Variants in TMEM200A observed in about 807,000 individuals in gnomAD.
TMEM200A encodes the protein transmembrane protein 200A.
TMEM200A carries 12 observed loss-of-function variants against 24.3 expected under a neutral mutation model. That is an observed-to-expected ratio of 0.49 (90% confidence interval 0.32 to 0.80). The LOEUF is 0.80. Ranked by LOEUF, TMEM200A falls within the 30% of genes least tolerant of loss-of-function variation. The pLI, the probability that TMEM200A is intolerant of heterozygous loss-of-function variation, is 0.04. For synonymous variants in TMEM200A, 224 were observed against 224.4 expected (o/e 1.00, Z 0.02); for missense variants, 545 against 614.4 (o/e 0.89, Z 1.19).
rs1247437870 is a variant in TMEM200A, at chr6:130,403,489, T to A, written c.-17+18253T>A. Among the ~76,000 whole-genome samples the A allele has an allele frequency of 2.0e-5, 3 of 152,116 alleles. No homozygotes were observed. The East Asian group carries it at 5.8e-4, about 29-fold the overall frequency. On this transcript the variant is annotated intron_variant, in intron 2 of 2. Transcript: ENST00000296978. ...GTGATTATTTATATAATCAGAACAT[T>A]ATTAGAAGAGGCAGATTATATGCTA...
At chr6:130,375,346 G>T (rs1288326816) in intron 1 of TMEM200A, among the ~76,000 whole-genome samples, 2 of 152,096 alleles carry the variant, frequency 1.3e-5, no homozygotes, top group African/African-American at 4.8e-5. Flanking sequence ...TTACTTATAA[G>T]ACACATAAAA....
intron 1 of TMEM200A, among the ~76,000 whole-genome samples, chr6:130,372,520 T>C (rs1448064018): frequency 6.6e-6 from 1 of 152,118 alleles, no homozygotes; most frequent in Non-Finnish European, 1.5e-5. Flanking sequence ...TACATACAGA[T>C]ACTCTGCCCT....
In TMEM200A at chr6:130,440,787, C is replaced by CTGAT; in HGVS notation, c.366_369dup (p.Lys124Ter). The CTGAT allele has an allele frequency of 6.2e-7, 1 of 1,613,910 alleles. No individual in the cohort carries two copies. Among genetic ancestry groups the CTGAT allele is most frequent in the Non-Finnish European group, 8.5e-7 (1 of 1,179,928 alleles). On this transcript the variant is annotated frameshift_variant, in exon 3 of 3. Coordinates refer to ENST00000296978, the MANE Select transcript of TMEM200A (RefSeq NM_001258277.2). LOFTEE classifies it high-confidence loss of function. ...CGCTTCTTTGAGCAGCATTTGCATT[C>CTGAT]TGATAAGATGAAAATGCTTGGCCCA...
At chr6:130,426,591 G>C (rs1429130877) in intron 2 of TMEM200A, among the ~76,000 whole-genome samples, 1 of 151,964 alleles carries the variant, frequency 6.6e-6, no homozygotes, top group African/African-American at 2.4e-5. Context: ...TTCCATCTGT[G>C]AATCAAAGTT....
upstream of TMEM200A, chr6:130,365,549 C>T: frequency 3.0e-6 from 3 of 985,364 alleles, no homozygotes; most frequent in Non-Finnish European, 3.6e-6. Context: ...GCGGTGCCTG[C>T]TCCGGGAATA....
chr6:130,400,007 C>G (rs1391801267), intron 2 of TMEM200A, among the ~76,000 whole-genome samples: 3 of 151,896 alleles, frequency 2.0e-5, no homozygotes, highest in African/African-American at 7.2e-5. Context: ...ATCGCAAATG[C>G]TGTTAATGCA....
chr6:130,414,286 G>T (rs1779397997), intron 2 of TMEM200A, among the ~76,000 whole-genome samples: 1 of 151,926 alleles, frequency 6.6e-6, no homozygotes, highest in African/African-American at 2.4e-5. Context: ...ACAAAAATTA[G>T]CTGGGTGTGG....
At chr6:130,399,491 A>G (rs1779031776) in intron 2 of TMEM200A, among the ~76,000 whole-genome samples, 1 of 151,844 alleles carries the variant, frequency 6.6e-6, no homozygotes, top group Non-Finnish European at 1.5e-5. Flanking sequence ...CACCACTTTT[A>G]TCCCTAGCAG....
chr6:130,386,292 T>G (rs749201338), intron 2 of TMEM200A, among the ~76,000 whole-genome samples: 1 of 152,116 alleles, frequency 6.6e-6, no homozygotes, highest in Non-Finnish European at 1.5e-5. Flanking sequence ...AGCACTTGAG[T>G]GTTTCAAAGT....
intron 1 of TMEM200A, among the ~76,000 whole-genome samples, chr6:130,381,186 G>T (rs1778587489): frequency 6.6e-6 from 1 of 152,124 alleles, no homozygotes; most frequent in African/African-American, 2.4e-5. Context: ...CCTCCAGTCA[G>T]TCCTTTGGCA....
In TMEM200A at chr6:130,366,064, T is replaced by G; in HGVS notation, c.-541T>G. ...TTTCCCCTCCCGTTCCCGGTCCCTT[T>G]TGTCTTTCTTGGACGCGGTGGCGGC... is the stretch of plus-strand genomic sequence containing the variant. On this transcript the variant is annotated 5_prime_UTR_variant, in exon 1 of 3. Coordinates refer to ENST00000296978, the MANE Select transcript of TMEM200A (RefSeq NM_001258277.2). This position sits in a 1 kb window ranked among gnomAD's most constrained non-coding sequence, Gnocchi z 4.4. The G allele has an allele frequency of 1.0e-6, 1 of 985,622 alleles. No individual in the cohort carries two copies. The highest frequency in any genetic ancestry group is 1.2e-6 in the Non-Finnish European group (1 of 830,132). 61.1% of individuals were successfully genotyped at this position (985,622 alleles called of 1,614,324 possible).
chr6:130,392,793 T>C (rs1187706439), intron 2 of TMEM200A, among the ~76,000 whole-genome samples: 1 of 152,240 alleles, frequency 6.6e-6, no homozygotes, highest in Non-Finnish European at 1.5e-5. Context: ...CCTGTCTTCT[T>C]ACCACAATAG....
chr6:130,385,584 C>T lies in TMEM200A; in HGVS notation c.-17+348C>T, dbSNP rs1431581159. On this transcript the variant is annotated intron_variant, in intron 2 of 2. Coordinates refer to ENST00000296978, the MANE Select transcript of TMEM200A (RefSeq NM_001258277.2). ...CTCATTCTTTTCTCTCCACTCAAAT[C>T]CCCAAGAGAAAAGGCCCTTAATTAG... 3.3e-5 allele frequency among the ~76,000 whole-genome samples: 5 copies of T among 152,136 alleles called. No individual in the cohort carries two copies. In the East Asian group the frequency reaches 9.6e-4, roughly 29 times the overall value.
chr6:130,414,705 C>T (rs1168248625), intron 2 of TMEM200A, among the ~76,000 whole-genome samples: 3 of 152,166 alleles, frequency 2.0e-5, no homozygotes, highest in African/African-American at 7.2e-5. Flanking sequence ...AGTTCAATGA[C>T]TCCTGTAACA....
intron 1 of TMEM200A, among the ~76,000 whole-genome samples, chr6:130,368,888 C>T (rs1778245365): frequency 6.6e-6 from 1 of 152,158 alleles, no homozygotes; most frequent in Non-Finnish European, 1.5e-5. Flanking sequence ...CTTTCTGCTC[C>T]TTGGTGCCCT....
In TMEM200A at chr6:130,366,607, C is replaced by T; in HGVS notation, c.-81+83C>T. 2.0e-6 allele frequency: 2 copies of T among 976,610 alleles called. No individual in the cohort carries two copies. Among genetic ancestry groups the T allele is most frequent in the Non-Finnish European group, 2.4e-6 (2 of 821,816 alleles). The allele number at this position is 976,610 out of a possible 1,614,324, so 60.5% of individuals were successfully genotyped here. A position where few individuals can be genotyped will look rare whatever the true frequency, so the allele number is the denominator to read the frequency against. On this transcript the variant is annotated intron_variant, in intron 1 of 2. Coordinates refer to ENST00000296978, the MANE Select transcript of TMEM200A (RefSeq NM_001258277.2). This position sits in a 1 kb window ranked among gnomAD's most constrained non-coding sequence, Gnocchi z 4.4. ...GCCGAAACCGGGCACTTCTTCAGCC[C>T]TCTGCCCTCCCCTCCCCTCCGCTAC...
intron 2 of TMEM200A, chr6:130,437,472 A>G (rs1780050103): frequency 6.6e-6 from 1 of 152,182 alleles, no homozygotes; most frequent in East Asian, 1.9e-4. Context: ...CTCAGGGTCT[A>G]CATTGGGACC....
At chr6:130,379,056 G>A (rs1778535300) in intron 1 of TMEM200A, among the ~76,000 whole-genome samples, 2 of 152,134 alleles carry the variant, frequency 1.3e-5, no homozygotes. Flanking sequence ...CTTCCATAAT[G>A]GCATTACTCC....
Position 130,425,686 on chromosome 6 carries a change from C to T in TMEM200A, c.-16-14721C>T, listed in dbSNP as rs140452909. On this transcript the variant is annotated intron_variant, in intron 2 of 2. Transcript: ENST00000296978. ...GTTGGAAGAGCTGCTAAAACAGCCACTTACATACCAATTACATATCCTCTT... is the reference window on the plus strand; with the variant it reads ...GTTGGAAGAGCTGCTAAAACAGCCATTTACATACCAATTACATATCCTCTT... 5.0e-3 allele frequency among the ~76,000 whole-genome samples: 763 copies of T among 152,264 alleles called. 9 individuals are homozygous for T. The highest frequency in any genetic ancestry group is 0.016 in the African/African-American group (657 of 41,562).
Sources: gnomAD v4.1 joint callset for allele counts (sites outside exome capture counted in the v4.1 genomes callset) on GRCh38, gnomAD v4.1.1 for gene constraint, Gnocchi (gnomAD v3.1) non-coding constraint, MANE v1.5 for transcripts, NCBI Gene and HGNC (gene_info 2026-07-23, HGNC 2026-07-21) for gene names.